Variants in AGAP1 observed in about 807,000 individuals in gnomAD.
The protein encoded by AGAP1 is ArfGAP with GTPase domain, ankyrin repeat and PH domain 1.
A neutral mutation model predicts 105.3 loss-of-function variants in AGAP1; 29 were observed. The ratio of observed to expected loss-of-function variants is 0.28; its 90% CI spans 0.21 to 0.38. The LOEUF (loss-of-function observed/expected upper bound fraction) is 0.38. Among genes scored for constraint, AGAP1 ranks in the 10% least tolerant of loss-of-function variants. The pLI is 1.00. For synonymous variants in AGAP1, 509 were observed against 485.9 expected, an observed-to-expected ratio of 1.05 and a Z score of -0.63; for missense variants, 998 against 1,165.1, an observed-to-expected ratio of 0.86 and a Z score of 2.09.
chr2:235,644,109 G>A (rs1947292815), intron 1 of AGAP1, among the ~76,000 whole-genome samples: 1 of 152,146 alleles, frequency 6.6e-6, no homozygotes, highest in African/African-American at 2.4e-5. Context: ...GTGGGAGCCC[G>A]GGAAGGTCAG....
At chr2:235,933,709 T>A (rs2052843065) in intron 12 of AGAP1, among the ~76,000 whole-genome samples, 1 of 152,030 alleles carries the variant, frequency 6.6e-6, no homozygotes, top group African/African-American at 2.4e-5. Context: ...ATTTTTGTAT[T>A]TTTAGTAGAG....
chr2:235,688,787 G>GC (rs1949593897), intron 1 of AGAP1, among the ~76,000 whole-genome samples: 1 of 152,174 alleles, frequency 6.6e-6, no homozygotes, highest in Non-Finnish European at 1.5e-5. Flanking sequence ...GCTTGGAGGA[G>GC]CAGGGGAGTC....
intron 16 of AGAP1, among the ~76,000 whole-genome samples, chr2:236,075,364 C>T (rs1343562705): frequency 6.6e-6 from 1 of 152,038 alleles, no homozygotes; most frequent in Non-Finnish European, 1.5e-5. Context: ...TGGTACTGCC[C>T]ATCCCCACCC....
intron 1 of AGAP1, among the ~76,000 whole-genome samples, chr2:235,541,206 T>C (rs1416481188): frequency 6.6e-6 from 1 of 152,050 alleles, no homozygotes; most frequent in African/African-American, 2.4e-5. Flanking sequence ...TGAACTTGAA[T>C]GTACAGATTA....
rs560731230 is a variant in AGAP1, at chr2:235,976,054, C to G, written c.1645+7431C>G. ...GAAATGCAGTAGCGAATGTGGAAAA[C>G]CAAGAATCAGAACATCTTCCTGGGA... On this transcript the variant is annotated intron_variant, in intron 13 of 17. Coordinates refer to ENST00000304032, the MANE Select transcript of AGAP1 (RefSeq NM_001037131.3). This position sits in a 1 kb window ranked among gnomAD's most constrained non-coding sequence, Gnocchi z 4.5. 1.3e-5 allele frequency among the ~76,000 whole-genome samples: 2 copies of G among 151,956 alleles called. No homozygotes were observed. Among genetic ancestry groups the G allele is most frequent in the Non-Finnish European group, 1.5e-5 (1 of 67,988 alleles).
At position 235,750,573 on chromosome 2, in the gene AGAP1, A is replaced by G. The variant is rs573666540; in HGVS notation, c.673+85A>G. 7 of 1,588,610 alleles carry G rather than the reference A, an allele frequency of 4.4e-6. No homozygotes were observed. The African/African-American group carries it at 8.0e-5, about 18-fold the overall frequency. On this transcript the variant is annotated intron_variant, in intron 6 of 17. Coordinates refer to ENST00000304032, the MANE Select transcript of AGAP1 (RefSeq NM_001037131.3). The surrounding 1 kb of genome is among the most constrained non-coding windows in gnomAD (Gnocchi z 5.3). The stretch of plus-strand genomic sequence containing the variant: ...AAGTCAGTCCTGCCTGCACTTGTGC[A>G]TGTGGGTGGTGGAAATATGTCGTTG...
chr2:235,651,531 T>G (rs977510999), intron 1 of AGAP1, among the ~76,000 whole-genome samples: 2 of 152,148 alleles, frequency 1.3e-5, no homozygotes, highest in African/African-American at 4.8e-5. Flanking sequence ...CCAATTAATC[T>G]GAAACGCTCT....
In AGAP1 at chr2:235,931,063, C is replaced by A; in HGVS notation, c.1483+140C>A. 2 of 956,716 alleles carry A rather than the reference C, an allele frequency of 2.1e-6. No homozygotes were observed. Among genetic ancestry groups the A allele is most frequent in the African/African-American group, 1.7e-5 (1 of 60,120 alleles). The allele number at this position is 956,716 out of a possible 1,614,324, so 59.3% of individuals were successfully genotyped here. On this transcript the variant is annotated intron_variant, in intron 12 of 17. Transcript: ENST00000304032. The surrounding 1 kb of genome is among the most constrained non-coding windows in gnomAD (Gnocchi z 5.6). ...GTGGGGCGGCTGCATCAGAGACTCA[C>A]ATCTTGCCTTTCATCTGTGGAACGT...
chr2:235,609,729 G>A lies in AGAP1; in HGVS notation c.164-99450G>A, dbSNP rs889578032. Reference sequence around the variant, plus strand: ...GAGCTCTGGAGGTCTTCTGTTTGCTGTTGTATGCTGTGGCTCAGAAGTTAT... The same window carrying A: ...GAGCTCTGGAGGTCTTCTGTTTGCTATTGTATGCTGTGGCTCAGAAGTTAT... On this transcript the variant is annotated intron_variant, in intron 1 of 17. Coordinates refer to ENST00000304032, the MANE Select transcript of AGAP1 (RefSeq NM_001037131.3). The surrounding 1 kb of genome is among the most constrained non-coding windows in gnomAD (Gnocchi z 5.1). Among the ~76,000 whole-genome samples the A allele has an allele frequency of 1.3e-5, 2 of 152,110 alleles. No homozygotes were observed. Among genetic ancestry groups the A allele is most frequent in the African/African-American group, 2.4e-5 (1 of 41,434 alleles).
chr2:235,811,965 C>T (rs1448656237), intron 9 of AGAP1, among the ~76,000 whole-genome samples: 5 of 152,192 alleles, frequency 3.3e-5, no homozygotes, highest in African/African-American at 1.2e-4. Flanking sequence ...GAGGCAACAG[C>T]CCTGTTGACA....
chr2:235,949,623 G>A (rs566607404), intron 12 of AGAP1, among the ~76,000 whole-genome samples: 1 of 152,170 alleles, frequency 6.6e-6, no homozygotes, highest in African/African-American at 2.4e-5. Context: ...GTGCTCTTTT[G>A]TGCCTCTTTT....
intron 1 of AGAP1, among the ~76,000 whole-genome samples, chr2:235,699,763 A>C (rs74695223): frequency 6.6e-6 from 1 of 152,366 alleles, no homozygotes; most frequent in African/African-American, 2.4e-5. Context: ...GAGAACCAGC[A>C]TTCGCAGTGG....
chr2:236,079,923 G>A (rs192721413), intron 16 of AGAP1, among the ~76,000 whole-genome samples: 9 of 152,342 alleles, frequency 5.9e-5, no homozygotes, highest in East Asian at 1.9e-4. Context: ...CCAGTTTCAC[G>A]GAGCTGGTCT....
At chr2:235,597,418 C>A (rs891878966) in intron 1 of AGAP1, among the ~76,000 whole-genome samples, 2 of 152,214 alleles carry the variant, frequency 1.3e-5, no homozygotes, top group Non-Finnish European at 2.9e-5. Context: ...ACCTTGGCCA[C>A]CCAGCAAGCA....
Position 235,931,029 on chromosome 2 carries a change from C to G in AGAP1, c.1483+106C>G. On this transcript the variant is annotated intron_variant, in intron 12 of 17. Coordinates refer to ENST00000304032, the MANE Select transcript of AGAP1 (RefSeq NM_001037131.3). This position sits in a 1 kb window ranked among gnomAD's most constrained non-coding sequence, Gnocchi z 5.6. Reference sequence around the variant, plus strand: ...AAGCTCTCATGCTCCTCTGGGAGCGCAGCACCCTGTGGGGCGGCTGCATCA... The same window carrying G: ...AAGCTCTCATGCTCCTCTGGGAGCGGAGCACCCTGTGGGGCGGCTGCATCA... 7.6e-7 allele frequency: 1 copy of G among 1,317,994 alleles called. No homozygotes were observed. Among genetic ancestry groups the G allele is most frequent in the Non-Finnish European group, 1.0e-6 (1 of 979,146 alleles). The allele number at this position is 1,317,994 out of a possible 1,614,324, so 81.6% of individuals were successfully genotyped here. A position where few individuals can be genotyped will look rare whatever the true frequency, so the allele number is the denominator to read the frequency against.
In AGAP1 at chr2:236,101,638, C is replaced by A. The variant is rs1559276509; in HGVS notation, c.2115-18554C>A. Among the ~76,000 whole-genome samples, 1 of 152,168 alleles carries A rather than the reference C, an allele frequency of 6.6e-6. No homozygotes were observed. Among genetic ancestry groups the A allele is most frequent in the Non-Finnish European group, 1.5e-5 (1 of 68,042 alleles). ...CGGGATCCGGAGCGGAGGAAAAGGG[C>A]CATTTCTCTTCCCTTATCTGTTTAT... is the stretch of plus-strand genomic sequence containing the variant. On this transcript the variant is annotated intron_variant, in intron 16 of 17. Transcript: ENST00000304032. This position sits in a 1 kb window ranked among gnomAD's most constrained non-coding sequence, Gnocchi z 4.9.
At chr2:235,800,922 C>G (rs763272155) in intron 8 of AGAP1, among the ~76,000 whole-genome samples, 5 of 152,216 alleles carry the variant, frequency 3.3e-5, no homozygotes, top group African/African-American at 1.2e-4. Context: ...AGATGCAAAG[C>G]TCTAGAGGGG....
chr2:235,983,893 A>G lies in AGAP1; in HGVS notation c.1645+15270A>G, dbSNP rs377426495. ...ATGCATCACTTAACGATGGGGATAC[A>G]TGGCTGTATGTAACATAAAATTTGC... On this transcript the variant is annotated intron_variant, in intron 13 of 17. Transcript: ENST00000304032. The surrounding 1 kb of genome is among the most constrained non-coding windows in gnomAD (Gnocchi z 4.5). Among the ~76,000 whole-genome samples the G allele has an allele frequency of 2.6e-5, 4 of 152,228 alleles. No individual in the cohort carries two copies. Among genetic ancestry groups the G allele is most frequent in the East Asian group, 1.9e-4 (1 of 5,190 alleles).
chr2:235,676,882 G>A (rs904508701), intron 1 of AGAP1, among the ~76,000 whole-genome samples: 3 of 152,228 alleles, frequency 2.0e-5, no homozygotes, highest in African/African-American at 7.2e-5. Context: ...CTGCACTCAT[G>A]TCGCCAGGTG....
Sources: allele counts gnomAD v4.1 joint callset (sites outside exome capture counted in the v4.1 genomes callset), GRCh38; gene constraint gnomAD v4.1.1; non-coding constraint Gnocchi (gnomAD v3.1); transcripts MANE v1.5; gene names NCBI Gene and HGNC (gene_info 2026-07-23, HGNC 2026-07-21).